The following ATCAY variants were observed in gnomAD, a reference collection of about 807,000 sequenced individuals.
ATCAY encodes caytaxin.
Under a neutral mutation model 47.7 loss-of-function variants are expected in ATCAY, and 22 were observed. The ratio of observed to expected loss-of-function variants is 0.46; its 90% CI spans 0.33 to 0.66. The LOEUF (loss-of-function observed/expected upper bound fraction) is 0.66, where lower values mean the gene tolerates loss of function less well. Ranked by LOEUF, ATCAY falls within the 30% of genes least tolerant of loss-of-function variation. The probability of loss-of-function intolerance (pLI) is 0.02; values close to 1 mark genes in which losing one functional copy is unlikely to be tolerated. For synonymous variants in ATCAY, 216 were observed against 207.6 expected (o/e 1.04, Z -0.35); for missense variants, 452 against 515.0 (o/e 0.88, Z 1.18).
chr19:3,908,291 G>A lies in ATCAY; in HGVS notation c.568G>A (p.Ala190Thr), dbSNP rs537155754. The A allele has an allele frequency of 1.1e-5, 17 of 1,582,782 alleles. No individual in the cohort carries two copies. Among genetic ancestry groups the A allele is most frequent in the Admixed American group, 3.6e-5 (2 of 55,408 alleles). ...AGGGTACTACGGCGAAGGCCTCAAC[G>A]CCATCATCGTCTTCGCAGCCTGCTT... ...HGGYYGEGLN[A>T]IIVFAACFLP... Residue 190 changes from alanine to threonine, a missense_variant, in exon 6 of 13, where the codon GCC becomes ACC. Coordinates refer to ENST00000450849, the MANE Select transcript of ATCAY (RefSeq NM_033064.5).
At chr19:3,889,270 G>A (rs923191260) in intron 2 of ATCAY, among the ~76,000 whole-genome samples, 1 of 152,122 alleles carries the variant, frequency 6.6e-6, no homozygotes, top group Non-Finnish European at 1.5e-5. Flanking sequence ...AAAATTAGCC[G>A]GGCGTGGTGG....
intron 1 of ATCAY, among the ~76,000 whole-genome samples, chr19:3,885,352 G>A (rs373522961): frequency 6.6e-5 from 10 of 151,770 alleles, no homozygotes; most frequent in Admixed American, 2.6e-4. Context: ...TCAGGAGTTC[G>A]AGACCAGCCT....
intron 12 of ATCAY, 94 bp from the exon 13 acceptor site, chr19:3,924,489 T>A (rs2039049714): frequency 3.4e-6 from 5 of 1,479,890 alleles, no homozygotes; most frequent in Non-Finnish European, 4.7e-6. Flanking sequence ...CCACGCTGGG[T>A]GGGATCATTG....
Position 3,924,858 on chromosome 19 carries a change from C to G in ATCAY, c.*266C>G, listed in dbSNP as rs867087852. The G allele has an allele frequency of 1.3e-5, 6 of 464,500 alleles. No homozygotes were observed. In the East Asian group the frequency reaches 2.2e-4, roughly 17 times the overall value. 28.8% of individuals were successfully genotyped at this position (464,500 alleles called of 1,614,324 possible). A position where few individuals can be genotyped will look rare whatever the true frequency, so the allele number is the denominator to read the frequency against. ...CCTCACCCTTCCACACTCACGAACT[C>G]TCAGCCGAGGAAGGCAAGAAGCGCA... On this transcript the variant is annotated 3_prime_UTR_variant, in exon 13 of 13. Transcript: ENST00000450849.
Position 3,885,873 on chromosome 19 carries a change from G to T in ATCAY, c.77+29G>T, listed in dbSNP as rs534896329. The T allele has an allele frequency of 6.5e-6, 10 of 1,548,210 alleles. No individual in the cohort carries two copies. In the Admixed American group the frequency reaches 1.8e-4, roughly 27 times the overall value. The stretch of plus-strand genomic sequence containing the variant: ...GGACTTCCACATCCCTGAGTCAACC[G>T]TTGGGGGAGCAGGTGTCTCTCCCAG... On this transcript the variant is annotated intron_variant, in intron 2 of 12. Transcript: ENST00000450849.
chr19:3,915,046 T>A (rs2038955218), intron 9 of ATCAY, among the ~76,000 whole-genome samples: 1 of 152,200 alleles, frequency 6.6e-6, no homozygotes, highest in Non-Finnish European at 1.5e-5. Flanking sequence ...TTTCACTGAA[T>A]GTCATATCAT....
chr19:3,924,723 C>A lies in ATCAY; in HGVS notation c.*131C>A. ...CAATCTTCCAAGGGTGCCAGCCCCT[C>A]CGTTCATCTCTGAAACCCAGCATCC... On this transcript the variant is annotated 3_prime_UTR_variant, in exon 13 of 13. Transcript: ENST00000450849. 1 of 906,626 alleles carries A rather than the reference C, an allele frequency of 1.1e-6. No homozygotes were observed. Among genetic ancestry groups the A allele is most frequent in the South Asian group, 1.6e-5 (1 of 61,980 alleles). The allele number at this position is 906,626 out of a possible 1,614,324, so 56.2% of individuals were successfully genotyped here.
rs191872542 is a variant in ATCAY, at chr19:3,902,396, G to T, written c.78-91G>T. ...TTTTGCTTTTGTTCTTGTCTGACTC[G>T]CCTGGCTGGACCTGTCTGGGCCACT... On this transcript the variant is annotated intron_variant, in intron 2 of 12. Coordinates refer to ENST00000450849, the MANE Select transcript of ATCAY (RefSeq NM_033064.5). The T allele has an allele frequency of 4.5e-4, 538 of 1,202,170 alleles. 1 individual carries two copies. The African/African-American group carries it at 7.3e-3, about 16-fold the overall frequency. 74.5% of individuals were successfully genotyped at this position (1,202,170 alleles called of 1,614,324 possible).
chr19:3,909,540 C>G lies in ATCAY; in HGVS notation c.702C>G (p.Tyr234Ter). 1 of 1,613,828 alleles carries G rather than the reference C, an allele frequency of 6.2e-7. No individual in the cohort carries two copies. Among genetic ancestry groups the G allele is most frequent in the Non-Finnish European group, 8.5e-7 (1 of 1,179,850 alleles). Residue 234 changes from tyrosine (Y) to a stop codon, truncating the protein, a stop_gained, in exon 7 of 13, where the codon TAC becomes TAG. Coordinates refer to ENST00000450849, the MANE Select transcript of ATCAY (RefSeq NM_033064.5). LOFTEE classifies it high-confidence loss of function. ...TGGCTGAGGACTACATGATCGTGTA[C>G]CTGAACGGTGCCACGCCCCGGCGGA... is the stretch of plus-strand genomic sequence containing the variant. Reference protein sequence around the residue: ...LLVAEDYMIVYLNGATPRRRM... With the variant: ...LLVAEDYMIV
intron 3 of ATCAY, among the ~76,000 whole-genome samples, chr19:3,905,208 C>A (rs760839384): frequency 2.0e-5 from 3 of 152,122 alleles, no homozygotes; most frequent in African/African-American, 4.8e-5. Flanking sequence ...CATCCATCCC[C>A]TTAATCTCTG....
chr19:3,891,721 G>A (rs2038720757), intron 2 of ATCAY, among the ~76,000 whole-genome samples: 1 of 151,812 alleles, frequency 6.6e-6, no homozygotes, highest in Non-Finnish European at 1.5e-5. Flanking sequence ...GGGAAACTGA[G>A]GACTTGGGGG....
intron 8 of ATCAY, among the ~76,000 whole-genome samples, chr19:3,912,468 G>A (rs936422877): frequency 2.6e-5 from 4 of 152,076 alleles, no homozygotes; most frequent in Non-Finnish European, 5.9e-5. Context: ...CCGCCACCAG[G>A]CCCAGCTAAC....
At chr19:3,884,862 C>G (rs762310368) in intron 1 of ATCAY, among the ~76,000 whole-genome samples, 1 of 151,482 alleles carries the variant, frequency 6.6e-6, no homozygotes, top group Non-Finnish European at 1.5e-5. Context: ...TTAGAGAGGC[C>G]GAGGCAGGAG....
intron 6 of ATCAY, among the ~76,000 whole-genome samples, chr19:3,908,595 T>TC (rs1375130188): frequency 1.4e-4 from 21 of 145,448 alleles, no homozygotes; most frequent in African/African-American, 5.1e-4. Flanking sequence ...CTCCTCCTCC[T>TC]CTTCCTCCTC....
At chr19:3,895,204 G>C (rs376542702) in intron 2 of ATCAY, 84 of 456,032 alleles carry the variant, frequency 1.8e-4, no homozygotes, top group Non-Finnish European at 3.1e-4. Context: ...TCAGGTAAGA[G>C]CTAATGCTGC....
rs1599152587 is a variant in ATCAY, at chr19:3,926,610, G to T, written c.*2018G>T. On this transcript the variant is annotated 3_prime_UTR_variant, in exon 13 of 13. Transcript: ENST00000450849. ...GATGGCAGGGAACTGGTGGTATTTA[G>T]TGCTGAGGGGCAGTGATACAGAAAG... 2 of 152,372 alleles carry T rather than the reference G, an allele frequency of 1.3e-5. No homozygotes were observed. The highest frequency in any genetic ancestry group is 4.1e-4 in the South Asian group (2 of 4,832). 9.4% of individuals were successfully genotyped at this position (152,372 alleles called of 1,614,324 possible).
intron 2 of ATCAY, among the ~76,000 whole-genome samples, chr19:3,888,359 G>A (rs1332357694): frequency 6.6e-6 from 1 of 152,114 alleles, no homozygotes; most frequent in Admixed American, 6.6e-5. Context: ...GCCGCGCACA[G>A]TGGCTCACGT....
chr19:3,920,898 T>C, intron 12 of ATCAY, 100 bp downstream of exon 12: 4 of 1,407,220 alleles, frequency 2.8e-6, no homozygotes, highest in Non-Finnish European at 4.0e-6. Context: ...TCAAACCAGC[T>C]GCCAGCAAAT....
chr19:3,908,092 A>T (rs144595876), intron 5 of ATCAY, among the ~76,000 whole-genome samples, 173 bp downstream of exon 5: 430 of 152,254 alleles, frequency 2.8e-3, no homozygotes, highest in African/African-American at 1.0e-2. Context: ...GGGGCCCCTG[A>T]TGGTCGCTGT....
Sources: gnomAD v4.1 joint callset for allele counts (sites outside exome capture counted in the v4.1 genomes callset) on GRCh38, gnomAD v4.1.1 for gene constraint, MANE v1.5 for transcripts, NCBI Gene and HGNC (gene_info 2026-07-23, HGNC 2026-07-21) for gene names.